SLC12A5: variants seen among roughly 807,000 people sequenced by gnomAD.
SLC12A5 encodes solute carrier family 12 member 5, also known as K-Cl cotransporter 2.
In SLC12A5, 18 loss-of-function variants were observed where a neutral mutation model predicts 124.0. The observed-to-expected ratio is 0.15, with a 90% CI of 0.10 to 0.22. The LOEUF (loss-of-function observed/expected upper bound fraction) is 0.22. Ranked by LOEUF, SLC12A5 falls within the 10% of genes least tolerant of loss-of-function variation. SLC12A5 has a pLI of 1.00. For synonymous variants in SLC12A5, 589 were observed against 568.0 expected, an observed-to-expected ratio of 1.04 and a Z score of -0.53; for missense variants, 867 against 1,478.7, an observed-to-expected ratio of 0.59 and a Z score of 6.78.
intron 8 of SLC12A5, among the ~76,000 whole-genome samples, chr20:46,041,937 A>AGTTC (rs2084551978): frequency 6.6e-6 from 1 of 151,202 alleles, no homozygotes; most frequent in Non-Finnish European, 1.5e-5. Flanking sequence ...GGGGGGGGAG[A>AGTTC]GTTCATGTGT....
Position 46,045,901 on chromosome 20 carries a change from T to C in SLC12A5, c.1593T>C (p.Asn531=), listed in dbSNP as rs772258627. The part of the protein sequence containing the change: ...FLQVFGHGKA[N]GEPTWALLLT... The stretch of plus-strand genomic sequence containing the variant: ...AGGTCTTTGGCCATGGCAAGGCCAA[T>C]GGAGAGCCGACCTGGGCCCTGCTCC... The change falls in exon 13 of 26, where the codon AAT becomes AAC. Residue 531 remains asparagine (N), a synonymous_variant. Coordinates refer to ENST00000243964, the MANE Select transcript of SLC12A5 (RefSeq NM_020708.5). This position sits in a 1 kb window ranked among gnomAD's most constrained non-coding sequence, Gnocchi z 4.9. The C allele has an allele frequency of 1.9e-6, 3 of 1,614,048 alleles. No homozygotes were observed. The East Asian group carries it at 6.7e-5, about 36-fold the overall frequency.
At chr20:46,047,864 A>C in intron 15 of SLC12A5, 117 bp from the exon 16 acceptor site, 1 of 1,010,270 alleles carries the variant, frequency 9.9e-7, no homozygotes, top group East Asian at 2.6e-5. Context: ...AGTGATACAC[A>C]TGTCCTTTCT....
chr20:46,022,218 A>C, intron 1 of SLC12A5: 1 of 236,932 alleles, frequency 4.2e-6, no homozygotes, highest in Admixed American at 5.7e-5. Context: ...TAGGGCACTA[A>C]AGGGGCGGGG....
intron 11 of SLC12A5, among the ~76,000 whole-genome samples, chr20:46,044,327 G>A (rs1371992483): frequency 6.6e-6 from 1 of 151,980 alleles, no homozygotes; most frequent in Non-Finnish European, 1.5e-5. Context: ...CTTCTTGGTG[G>A]GTCTATACTG....
chr20:46,041,701 A>G (rs2084549463), intron 8 of SLC12A5, among the ~76,000 whole-genome samples, 161 bp downstream of exon 8: 1 of 152,228 alleles, frequency 6.6e-6, no homozygotes, highest in African/African-American at 2.4e-5. Context: ...AGGGAGGAGT[A>G]AGGTGAAAAG....
Position 46,056,857 on chromosome 20 carries a change from C to T in SLC12A5, c.3111-40C>T, listed in dbSNP as rs201047405. 1.5e-5 allele frequency: 24 copies of T among 1,607,320 alleles called. No individual in the cohort carries two copies. Among genetic ancestry groups the T allele is most frequent in the Middle Eastern group, 3.3e-4 (2 of 6,046 alleles). ...GTCTTCCTCTTTTTCTGACTCTGCT[C>T]TTTTTCTTTCTCTCTTTGCATCTCT... On this transcript the variant is annotated intron_variant, in intron 23 of 25. Transcript: ENST00000243964. This position sits in a 1 kb window ranked among gnomAD's most constrained non-coding sequence, Gnocchi z 4.3.
In SLC12A5 at chr20:46,053,787, T is replaced by G; in HGVS notation, c.2679+78T>G. On this transcript the variant is annotated intron_variant, in intron 20 of 25. Coordinates refer to ENST00000243964, the MANE Select transcript of SLC12A5 (RefSeq NM_020708.5). The surrounding 1 kb of genome is among the most constrained non-coding windows in gnomAD (Gnocchi z 4.7). ...GCCCCAGCACCAAGTAGGGCAACTC[T>G]AACACCCATCAGCTTATGATGCTGG... The G allele has an allele frequency of 1.4e-6, 2 of 1,436,458 alleles. No homozygotes were observed. The highest frequency in any genetic ancestry group is 1.9e-6 in the Non-Finnish European group (2 of 1,073,532). The allele number at this position is 1,436,458 out of a possible 1,614,324, so 89.0% of individuals were successfully genotyped here.
In SLC12A5 at chr20:46,030,319, T is replaced by A. The variant is rs560907155; in HGVS notation, c.52+923T>A. Among the ~76,000 whole-genome samples, 836 of 152,244 alleles carry A rather than the reference T, an allele frequency of 5.5e-3. 7 individuals are homozygous for A. The highest frequency in any genetic ancestry group is 6.0e-3 in the Non-Finnish European group (407 of 67,998). ...TTCCTCAGCGCCGCGACGCGGACAC[T>A]GCGGACGCGCTGCGGTGGGTGCGGA... is the stretch of plus-strand genomic sequence containing the variant. On this transcript the variant is annotated intron_variant, in intron 1 of 25. Transcript: ENST00000243964.
Position 46,056,984 on chromosome 20 carries a change from A to G in SLC12A5, c.3125+73A>G. 1 of 1,608,842 alleles carries G rather than the reference A, an allele frequency of 6.2e-7. No homozygotes were observed. The highest frequency in any genetic ancestry group is 2.2e-5 in the East Asian group (1 of 44,856). ...TCCCTACCCTCCTCACTCTGTTGTG[A>G]ACCCCTAATTGGTGCCACGACCTCT... On this transcript the variant is annotated intron_variant, in intron 24 of 25. Coordinates refer to ENST00000243964, the MANE Select transcript of SLC12A5 (RefSeq NM_020708.5). This position sits in a 1 kb window ranked among gnomAD's most constrained non-coding sequence, Gnocchi z 4.3.
upstream of SLC12A5, chr20:46,027,642 G>A (rs1200294160): frequency 1.3e-5 from 2 of 152,312 alleles, no homozygotes; most frequent in Non-Finnish European, 2.9e-5. Context: ...TTGTTTGTTT[G>A]TTTGTTTGTT....
In SLC12A5 at chr20:46,036,738, C is replaced by T. The variant is rs777964908; in HGVS notation, c.427-3C>T. The T allele has an allele frequency of 2.0e-5, 32 of 1,613,740 alleles. No individual in the cohort carries two copies. The Admixed American group carries it at 5.2e-4, about 26-fold the overall frequency. On this transcript the variant is annotated splice_polypyrimidine_tract_variant and splice_region_variant and intron_variant, in intron 4 of 25. Coordinates refer to ENST00000243964, the MANE Select transcript of SLC12A5 (RefSeq NM_020708.5). ...ACCGCTCTGATGATCTCTTTCCTCA[C>T]AGACGATGCTCACGGCCATCTCCAT...
rs1351123391 is a variant in SLC12A5 at position 46,043,949 on chromosome 20, T to G, written c.1394+16T>G. The G allele has an allele frequency of 3.2e-6, 5 of 1,585,558 alleles. No homozygotes were observed. In the African/African-American group the frequency reaches 5.4e-5, roughly 17 times the overall value. On this transcript the variant is annotated intron_variant, in intron 11 of 25. Coordinates refer to ENST00000243964, the MANE Select transcript of SLC12A5 (RefSeq NM_020708.5). ...TGCGGGACAAGTAAGATAATTGGGGTTGATCCTATTCTGGGGGAGGGGTGG... is the reference window on the plus strand; with the variant it reads ...TGCGGGACAAGTAAGATAATTGGGGGTGATCCTATTCTGGGGGAGGGGTGG...
intron 1 of SLC12A5, among the ~76,000 whole-genome samples, chr20:46,030,665 G>T (rs1459320568): frequency 6.6e-6 from 1 of 152,222 alleles, no homozygotes; most frequent in Non-Finnish European, 1.5e-5. Flanking sequence ...CTGGCGGATG[G>T]CGCCTAGGGC....
chr20:46,048,745 C>T (rs1217553282), intron 16 of SLC12A5, among the ~76,000 whole-genome samples: 1 of 151,890 alleles, frequency 6.6e-6, no homozygotes, highest in Non-Finnish European at 1.5e-5. Context: ...GTGGCGTGCA[C>T]CTGTAGTCCC....
chr20:46,021,840 G>T (rs749118252), exon 1 of SLC12A5: 1 of 1,533,174 alleles, frequency 6.5e-7, no homozygotes, highest in East Asian at 2.5e-5. Flanking sequence ...AGTCCCGCCG[G>T]CATTCGGTCG....
Position 46,058,805 on chromosome 20 carries a change from G to A in SLC12A5, c.*1200G>A, listed in dbSNP as rs2084722298. On this transcript the variant is annotated 3_prime_UTR_variant, in exon 26 of 26. Transcript: ENST00000243964. This position sits in a 1 kb window ranked among gnomAD's most constrained non-coding sequence, Gnocchi z 5.8. ...GAGAGGCCCCAGAGCCGCCCGTGATGTTCCTCCCCCGTCCCCATCTGGCAG... is the reference window on the plus strand; with the variant it reads ...GAGAGGCCCCAGAGCCGCCCGTGATATTCCTCCCCCGTCCCCATCTGGCAG... 3 of 398,058 alleles carry A rather than the reference G, an allele frequency of 7.5e-6. No individual in the cohort carries two copies. Among genetic ancestry groups the A allele is most frequent in the Non-Finnish European group, 1.3e-5 (3 of 226,100 alleles). 24.7% of individuals were successfully genotyped at this position (398,058 alleles called of 1,614,324 possible).
chr20:46,035,749 C>T, intron 3 of SLC12A5, 28 bp from the exon 4 acceptor site: 1 of 1,600,320 alleles, frequency 6.2e-7, no homozygotes, highest in South Asian at 1.1e-5. Flanking sequence ...ATGAGGACTG[C>T]AGAGACTGAT....
In SLC12A5 at chr20:46,057,584, G is replaced by A. The variant is rs1394912099; in HGVS notation, c.3330G>A (p.Glu1110=). Residue 1110 remains glutamate (E), a synonymous_variant, in exon 26 of 26, where the codon GAG becomes GAA. Coordinates refer to ENST00000243964, the MANE Select transcript of SLC12A5 (RefSeq NM_020708.5). The surrounding 1 kb of genome is among the most constrained non-coding windows in gnomAD (Gnocchi z 7.1). The stretch of plus-strand genomic sequence containing the variant: ...TGCTGGTCCGCGGCGGCGGCCGCGA[G>A]GTCATCACCATCTACTCCTGAGAAC... The part of the protein sequence containing the change: ...RVMLVRGGGR[E]VITIYS 9 of 1,613,756 alleles carry A rather than the reference G, an allele frequency of 5.6e-6. No homozygotes were observed. Among genetic ancestry groups the A allele is most frequent in the Non-Finnish European group, 7.6e-6 (9 of 1,179,930 alleles).
chr20:46,039,456 A>T (rs1467434300), intron 6 of SLC12A5, among the ~76,000 whole-genome samples: 1 of 152,246 alleles, frequency 6.6e-6, no homozygotes, highest in East Asian at 1.9e-4. Context: ...TACCATGGAT[A>T]GCTTTTAAAG....
Sources: gnomAD v4.1 joint callset for allele counts (sites outside exome capture counted in the v4.1 genomes callset) on GRCh38, gnomAD v4.1.1 for gene constraint, Gnocchi (gnomAD v3.1) non-coding constraint, MANE v1.5 for transcripts, NCBI Gene and HGNC (gene_info 2026-07-23, HGNC 2026-07-21) for gene names.